Variants in UBE3A observed in about 807,000 individuals in gnomAD.
UBE3A encodes the protein ubiquitin-protein ligase E3A.
UBE3A carries 6 observed loss-of-function variants against 83.4 expected under a neutral mutation model. That is an observed-to-expected ratio of 0.07 (90% confidence interval 0.04 to 0.14). UBE3A has a LOEUF of 0.14. Among genes scored for constraint, UBE3A ranks in the 10% least tolerant of loss-of-function variants. The pLI is 1.00. For synonymous variants in UBE3A, 337 were observed against 355.4 expected (o/e 0.95, Z 0.58); for missense variants, 456 against 1,036.1 (o/e 0.44, Z 7.69).
intron 7 of UBE3A, 109 bp from the exon 8 acceptor site, chr15:25,357,005 T>A: frequency 1.1e-6 from 1 of 929,730 alleles, no homozygotes; most frequent in Admixed American, 2.4e-5. Context: ...ATTTAAAATA[T>A]ATGTAATTAG....
chr15:25,381,604 A>G (rs905808042), intron 4 of UBE3A, among the ~76,000 whole-genome samples: 4 of 152,256 alleles, frequency 2.6e-5, no homozygotes, highest in Admixed American at 6.5e-5. Flanking sequence ...GATATAAAAT[A>G]GAAACAACTG....
At chr15:25,387,348 C>A (rs532966622) in intron 4 of UBE3A, among the ~76,000 whole-genome samples, 2 of 151,938 alleles carry the variant, frequency 1.3e-5, no homozygotes, top group Non-Finnish European at 2.9e-5. Flanking sequence ...AGTGAAACCC[C>A]GTCTCTACTA....
chr15:25,354,973 A>G (rs1478631797), intron 9 of UBE3A, among the ~76,000 whole-genome samples: 1 of 152,202 alleles, frequency 6.6e-6, no homozygotes, highest in Admixed American at 6.5e-5. Flanking sequence ...TGTTACAGCC[A>G]ATATTAAGCT....
chr15:25,429,848 T>G (rs1892539601), intron 1 of UBE3A, among the ~76,000 whole-genome samples: 1 of 149,772 alleles, frequency 6.7e-6, no homozygotes, highest in Non-Finnish European at 1.5e-5. Context: ...CTACTAAAAA[T>G]ACAAAAATTA....
chr15:25,420,626 C>T (rs141040982), intron 1 of UBE3A: 104 of 152,094 alleles, frequency 6.8e-4, no homozygotes, highest in Non-Finnish European at 1.3e-3. Context: ...ATTAGAATGG[C>T]AATTATTTTA....
In UBE3A at chr15:25,333,895, CCT is replaced by C. The variant is rs887422503; in HGVS notation, c.*5240_*5241del. On this transcript the variant is annotated 3_prime_UTR_variant, in exon 13 of 13. Coordinates refer to ENST00000648336, the MANE Select transcript of UBE3A (RefSeq NM_130839.5). Reference sequence around the variant, plus strand: ...GCATTTAACAAAACCCACAGCCCCTCCTTTTTTTTTTTTTGATTAAAAAACAC... The same window carrying C: ...GCATTTAACAAAACCCACAGCCCCTCTTTTTTTTTTTTGATTAAAAAACAC... 3.2e-5 allele frequency: 4 copies of C among 124,722 alleles called. No homozygotes were observed. Among genetic ancestry groups the C allele is most frequent in the South Asian group, 2.3e-4 (1 of 4,276 alleles). 7.7% of individuals were successfully genotyped at this position (124,722 alleles called of 1,614,324 possible).
At chr15:25,404,303 C>T (rs1451438519) in intron 4 of UBE3A, among the ~76,000 whole-genome samples, 1 of 152,118 alleles carries the variant, frequency 6.6e-6, no homozygotes, top group Non-Finnish European at 1.5e-5. Flanking sequence ...ATCTTTACTT[C>T]CTTGTTCTAA....
chr15:25,385,554 A>C (rs1348266617), intron 4 of UBE3A, among the ~76,000 whole-genome samples: 1 of 152,172 alleles, frequency 6.6e-6, no homozygotes, highest in Admixed American at 6.5e-5. Flanking sequence ...AAAAAATTTG[A>C]AATAGAATTA....
chr15:25,378,533 A>G (rs1595889266), intron 4 of UBE3A, among the ~76,000 whole-genome samples: 1 of 152,192 alleles, frequency 6.6e-6, no homozygotes, highest in Admixed American at 6.5e-5. Flanking sequence ...TTTGAATACC[A>G]TGACATTGAG....
At chr15:25,382,481 A>C (rs1381769982) in intron 4 of UBE3A, among the ~76,000 whole-genome samples, 1 of 152,058 alleles carries the variant, frequency 6.6e-6, no homozygotes, top group African/African-American at 2.4e-5. Flanking sequence ...CATATTTCAC[A>C]GTTAGAAAGG....
chr15:25,353,972 T>C (rs971111508), intron 11 of UBE3A: 2 of 259,118 alleles, frequency 7.7e-6, no homozygotes, highest in Non-Finnish European at 1.5e-5. Flanking sequence ...ACTCAAAAAG[T>C]GCTTGATCCT....
At chr15:25,389,978 A>C (rs1202894596) in intron 4 of UBE3A, among the ~76,000 whole-genome samples, 1 of 152,214 alleles carries the variant, frequency 6.6e-6, no homozygotes, top group African/African-American at 2.4e-5. Flanking sequence ...CAATTAAAAA[A>C]TTGGCCAACA....
chr15:25,421,283 C>T (rs1246126570), intron 1 of UBE3A, among the ~76,000 whole-genome samples: 1 of 152,218 alleles, frequency 6.6e-6, no homozygotes, highest in African/African-American at 2.4e-5. Flanking sequence ...AGTAAACTCA[C>T]CATGAGGGCT....
At chr15:25,381,632 T>C (rs1595917793) in intron 4 of UBE3A, among the ~76,000 whole-genome samples, 2 of 152,344 alleles carry the variant, frequency 1.3e-5, no homozygotes, top group Middle Eastern at 6.8e-3. Flanking sequence ...ATATAATTAG[T>C]CTATAAAGCT....
At chr15:25,410,147 A>G (rs575308436) in intron 2 of UBE3A, among the ~76,000 whole-genome samples, 1 of 152,316 alleles carries the variant, frequency 6.6e-6, no homozygotes, top group African/African-American at 2.4e-5. Context: ...GTATAATAAT[A>G]ATAAAAAACA....
intron 1 of UBE3A, among the ~76,000 whole-genome samples, chr15:25,431,456 C>T (rs66607547): frequency 0.12 from 18,094 of 152,114 alleles, 1,138 homozygotes; most frequent in Middle Eastern, 0.23. Flanking sequence ...GATTCTCGTG[C>T]CTCAGCCTCC....
intron 11 of UBE3A, among the ~76,000 whole-genome samples, chr15:25,343,079 C>A (rs1361437307): frequency 1.3e-5 from 2 of 152,096 alleles, no homozygotes; most frequent in African/African-American, 4.8e-5. Context: ...CTTACTAAAG[C>A]AACAGAAGAG....
At chr15:25,360,596 CAAG>C (rs1566913319) in intron 6 of UBE3A, 69 bp from the exon 7 acceptor site, 1 of 1,553,604 alleles carries the variant, frequency 6.4e-7, no homozygotes, top group Non-Finnish European at 8.8e-7. Flanking sequence ...AAAATAAAAA[CAAG>C]GAGTAGGATT....
At chr15:25,403,079 C>T (rs941072412) in intron 4 of UBE3A, among the ~76,000 whole-genome samples, 4 of 152,204 alleles carry the variant, frequency 2.6e-5, no homozygotes, top group African/African-American at 9.6e-5. Context: ...TCCATCAGCT[C>T]TGCTAATATC....
Sources: gnomAD v4.1 joint callset for allele counts (sites outside exome capture counted in the v4.1 genomes callset) on GRCh38, gnomAD v4.1.1 for gene constraint, MANE v1.5 for transcripts, NCBI Gene and HGNC (gene_info 2026-07-23, HGNC 2026-07-21) for gene names.